The following PCDHGB5 variants were observed in gnomAD, a reference collection of about 807,000 sequenced individuals.
The protein encoded by PCDHGB5 is protocadherin gamma subfamily B, 5.
PCDHGB5 carries 48 observed loss-of-function variants against 62.9 expected under a neutral mutation model. The observed-to-expected ratio is 0.76, with a 90% confidence interval of 0.61 to 0.97. PCDHGB5 has a LOEUF of 0.97. PCDHGB5 is among the 50% of genes least tolerant of loss of function. The pLI is 0.00. For missense variants in PCDHGB5, 1,118 were observed against 1,198.6 expected, an observed-to-expected ratio of 0.93 and a Z score of 0.99; for synonymous variants, 474 against 511.2, an observed-to-expected ratio of 0.93 and a Z score of 0.98.
rs776132438 is a variant in PCDHGB5 at position 141,432,197 on chromosome 5, G to A, written c.2397+31673G>A. The A allele has an allele frequency of 2.5e-6, 4 of 1,614,112 alleles. No individual in the cohort carries two copies. The South Asian group carries it at 3.3e-5, about 13-fold the overall frequency. The stretch of plus-strand genomic sequence containing the variant: ...CGTCTCTGTGACCGCCCACGACCCC[G>A]ACTGTGAAGAGAACGCCCAGATCAC... On this transcript the variant is annotated intron_variant, in intron 1 of 3. Coordinates refer to ENST00000617380, the MANE Select transcript of PCDHGB5 (RefSeq NM_018925.3). The surrounding 1 kb of genome is among the most constrained non-coding windows in gnomAD (Gnocchi z 6.0).
chr5:141,510,817 T>C, intron 3 of PCDHGB5, 130 bp from the exon 4 acceptor site: 2 of 1,551,592 alleles, frequency 1.3e-6, no homozygotes, highest in African/African-American at 2.7e-5. Flanking sequence ...GTGACCCCTA[T>C]ATTCCCAGTG....
At chr5:141,419,762 AAGGACTCG>A (rs1468964539) in intron 1 of PCDHGB5, 2 of 1,614,008 alleles carry the variant, frequency 1.2e-6, no homozygotes, top group South Asian at 2.2e-5. Context: ...TTTGGGTGAC[AAGGACTCG>A]GTCCGCCAGC....
intron 1 of PCDHGB5, chr5:141,471,535 T>C (rs553186728): frequency 6.6e-6 from 1 of 152,368 alleles, no homozygotes; most frequent in African/African-American, 2.4e-5. Context: ...GAAGCTATGA[T>C]AGCATTTAAG....
At chr5:141,403,188 C>G (rs763950254) in intron 1 of PCDHGB5, 6 of 1,613,968 alleles carry the variant, frequency 3.7e-6, no homozygotes, top group Non-Finnish European at 4.2e-6. Context: ...TCTCTGAACC[C>G]GCGCAGCGGC....
Position 141,431,520 on chromosome 5 carries a change from A to T in PCDHGB5, c.2397+30996A>T. ...GAGTACCGCGCGAGCGTTCCGGAGA[A>T]TCTGGCCTTGGGCACGCAGCTGCTT... On this transcript the variant is annotated intron_variant, in intron 1 of 3. Transcript: ENST00000617380. The surrounding 1 kb of genome is among the most constrained non-coding windows in gnomAD (Gnocchi z 4.8). 6.2e-7 allele frequency: 1 copy of T among 1,614,068 alleles called. No homozygotes were observed. Among genetic ancestry groups the T allele is most frequent in the Non-Finnish European group, 8.5e-7 (1 of 1,180,020 alleles).
At chr5:141,501,127 T>C (rs2099805755) in intron 2 of PCDHGB5, among the ~76,000 whole-genome samples, 5 of 152,024 alleles carry the variant, frequency 3.3e-5, no homozygotes, top group Non-Finnish European at 7.4e-5. Context: ...TCAGCCTCCC[T>C]AAGTGCTGGG....
intron 1 of PCDHGB5, among the ~76,000 whole-genome samples, chr5:141,448,086 T>TA (rs558292628): frequency 0.011 from 1,579 of 146,268 alleles, 11 homozygotes; most frequent in Non-Finnish European, 0.016. Context: ...AATGCCATCT[T>TA]AAAAAAAAAA....
chr5:141,408,670 T>G, intron 1 of PCDHGB5: 1 of 1,614,008 alleles, frequency 6.2e-7, no homozygotes, highest in Non-Finnish European at 8.5e-7. Context: ...CGCTTGACCC[T>G]GCCACGGATC....
chr5:141,497,032 T>C (rs1206131945), intron 2 of PCDHGB5, among the ~76,000 whole-genome samples: 1 of 151,652 alleles, frequency 6.6e-6, no homozygotes, highest in East Asian at 1.9e-4. Flanking sequence ...CGATTAAAAA[T>C]ACAAAAATTA....
chr5:141,427,528 A>G (rs1360860476), intron 1 of PCDHGB5: 1 of 617,748 alleles, frequency 1.6e-6, no homozygotes, highest in Non-Finnish European at 3.0e-6. Context: ...CGGATCCCGG[A>G]GTACAACGTC....
chr5:141,489,942 C>T lies in PCDHGB5; in HGVS notation c.2398-4865C>T. On this transcript the variant is annotated intron_variant, in intron 1 of 3. Transcript: ENST00000617380. The surrounding 1 kb of genome is among the most constrained non-coding windows in gnomAD (Gnocchi z 4.5). ...CCCTTATCTCTGTCATCGTGCTGGA[C>T]ATCAATGATAATGCTCCAACCTTCC... 2 of 1,614,170 alleles carry T rather than the reference C, an allele frequency of 1.2e-6. No homozygotes were observed. The highest frequency in any genetic ancestry group is 1.7e-6 in the Non-Finnish European group (2 of 1,179,984).
chr5:141,443,136 C>T (rs910953831), intron 1 of PCDHGB5, among the ~76,000 whole-genome samples: 1 of 152,160 alleles, frequency 6.6e-6, no homozygotes, highest in African/African-American at 2.4e-5. Context: ...AGAACACTAT[C>T]ATAAGTTATA....
intron 1 of PCDHGB5, among the ~76,000 whole-genome samples, chr5:141,460,912 G>GTGTATATATA (rs145509489): frequency 6.7e-6 from 1 of 149,236 alleles, no homozygotes; most frequent in Non-Finnish European, 1.5e-5. Flanking sequence ...ATTCCATGGT[G>GTGTATATATA]TATATATATA....
At chr5:141,428,066 A>T in intron 1 of PCDHGB5, 2 of 1,609,118 alleles carry the variant, frequency 1.2e-6, no homozygotes, top group Non-Finnish European at 1.7e-6. Context: ...CGGTGGACGC[A>T]GATTCGGGAC....
chr5:141,511,084 C>G lies in PCDHGB5; in HGVS notation c.2683C>G (p.Leu895Val). 1 of 1,614,236 alleles carries G rather than the reference C, an allele frequency of 6.2e-7. No homozygotes were observed. Among genetic ancestry groups the G allele is most frequent in the Non-Finnish European group, 8.5e-7 (1 of 1,180,030 alleles). The change falls in exon 4 of 4, where the codon CTG becomes GTG. Residue 895 changes from leucine (L) to valine (V), a missense_variant. Leu to Val is a conservative substitution (Grantham distance 32). Around this residue, in one of 2 missense-constraint regions of PCDHGB5, gnomAD observed 1,034 missense variants for 1,029.1 expected, o/e 1.00. Coordinates refer to ENST00000617380, the MANE Select transcript of PCDHGB5 (RefSeq NM_018925.3). Reference sequence around the variant, plus strand: ...CTACATCCCAGGCAGCAATGCCACACTGACCAACGCAGCTGGCAAGCGGGA... The same window carrying G: ...CTACATCCCAGGCAGCAATGCCACAGTGACCAACGCAGCTGGCAAGCGGGA... ...NVYIPGSNAT[L>V]TNAAGKRDGK...
Position 141,476,645 on chromosome 5 carries a change from A to C in PCDHGB5, c.2398-18162A>C. 1 of 1,614,246 alleles carries C rather than the reference A, an allele frequency of 6.2e-7. No homozygotes were observed. The highest frequency in any genetic ancestry group is 8.5e-7 in the Non-Finnish European group (1 of 1,180,052). On this transcript the variant is annotated intron_variant, in intron 1 of 3. Coordinates refer to ENST00000617380, the MANE Select transcript of PCDHGB5 (RefSeq NM_018925.3). The surrounding 1 kb of genome is among the most constrained non-coding windows in gnomAD (Gnocchi z 7.6). ...TTTACAAACCTATGAGCTGAGCCGA[A>C]ATGAATACTTTGCGCTTCGCGTGCA...
At chr5:141,450,489 CTG>C (rs2098682348) in intron 1 of PCDHGB5, among the ~76,000 whole-genome samples, 1 of 150,280 alleles carries the variant, frequency 6.7e-6, no homozygotes, top group Admixed American at 6.6e-5. Context: ...GTTTGTTTGT[CTG>C]TTTGTTTGTT....
At chr5:141,403,046 C>T in intron 1 of PCDHGB5, 1 of 1,614,056 alleles carries the variant, frequency 6.2e-7, no homozygotes, top group Non-Finnish European at 8.5e-7. Flanking sequence ...CAGTCAGATT[C>T]GCTACTCAGT....
rs770799351 is a variant in PCDHGB5, at chr5:141,399,066, G to C, written c.939G>C (p.Met313Ile). The C allele has an allele frequency of 3.1e-6, 5 of 1,613,726 alleles. No homozygotes were observed. The highest frequency in any genetic ancestry group is 2.2e-5 in the South Asian group (2 of 91,088). The change falls in exon 1 of 4, where the codon ATG becomes ATC. Residue 313 changes from methionine (M) to isoleucine (I), a missense_variant. By Grantham distance (10) the Met-to-Ile change is conservative. Coordinates refer to ENST00000617380, the MANE Select transcript of PCDHGB5 (RefSeq NM_018925.3). ...TTGAAGAGACCAAGGAATATTCAAT[G>C]GTTGTAGAAGGGAGGGATGGTGGTG... ...LDFEETKEYSMVVEGRDGGGL... is the reference protein window; with the variant it reads ...LDFEETKEYSIVVEGRDGGGL...
Sources: gnomAD v4.1 joint callset for allele counts (sites outside exome capture counted in the v4.1 genomes callset) on GRCh38, gnomAD v4.1.1 for gene constraint, gnomAD v4.1.1 regional missense constraint, Gnocchi (gnomAD v3.1) non-coding constraint, MANE v1.5 for transcripts, NCBI Gene and HGNC (gene_info 2026-07-23, HGNC 2026-07-21) for gene names.